The following ZC3H12B variants were observed in gnomAD, a reference collection of about 807,000 sequenced individuals.
ZC3H12B encodes the protein probable ribonuclease ZC3H12B.
In ZC3H12B, 7 loss-of-function variants were observed where a neutral mutation model predicts 43.9. The observed-to-expected ratio is 0.16, with a 90% CI of 0.09 to 0.30. ZC3H12B has a LOEUF of 0.30. ZC3H12B is among the 10% of genes least tolerant of loss of function. The pLI, the probability that ZC3H12B is intolerant of heterozygous loss-of-function variation, is 1.00. For missense variants in ZC3H12B, 475 were observed against 670.2 expected (o/e 0.71, Z 3.22); for synonymous variants, 222 against 241.7 (o/e 0.92, Z 0.76).
At chrX:65,190,536 A>G in the ZC3H12B span, among the ~76,000 whole-genome samples, 1 of 106,598 alleles carries the variant, frequency 9.4e-6, no homozygotes, top group Non-Finnish European at 1.9e-5. Flanking sequence ...TTGGATTCCT[A>G]GGTATTTTAT....
At chrX:65,108,412 AT>A in the ZC3H12B span, among the ~76,000 whole-genome samples, 1 of 110,120 alleles carries the variant, frequency 9.1e-6, no homozygotes, top group Admixed American at 9.8e-5. Context: ...ATTTAATTTA[AT>A]TTTTTTTAAC....
the ZC3H12B span, among the ~76,000 whole-genome samples, chrX:65,211,306 T>C: frequency 9.2e-6 from 1 of 108,950 alleles, no homozygotes. Context: ...TTTATTCTTG[T>C]AACCAAAAAC....
the ZC3H12B span, among the ~76,000 whole-genome samples, chrX:65,191,898 G>T: frequency 9.7e-6 from 1 of 102,800 alleles, no homozygotes; most frequent in Non-Finnish European, 2.0e-5. Flanking sequence ...ATGTTAGGGT[G>T]TCAATTTTGG....
chrX:65,168,815 A>G, the ZC3H12B span, among the ~76,000 whole-genome samples: 1 of 111,101 alleles, frequency 9.0e-6, no homozygotes, highest in Admixed American at 9.6e-5. Context: ...TAGATTTTCT[A>G]GTTTGTTTTG....
At chrX:65,076,351 C>G in the ZC3H12B span, among the ~76,000 whole-genome samples, 1 of 110,611 alleles carries the variant, frequency 9.0e-6, no homozygotes, top group African/African-American at 3.3e-5. Flanking sequence ...GTTGCCCAGG[C>G]TAGTCTCAAA....
At chrX:65,218,391 T>C in the ZC3H12B span, among the ~76,000 whole-genome samples, 131 of 112,270 alleles carry the variant, frequency 1.2e-3, 1 homozygote, top group African/African-American at 4.0e-3. Flanking sequence ...GCTTGCTTTC[T>C]CAGCTAGGAG....
At chrX:65,440,738 G>A (rs1278999725) in intron 3 of ZC3H12B, among the ~76,000 whole-genome samples, 1 of 112,409 alleles carries the variant, frequency 8.9e-6, no homozygotes, top group East Asian at 2.8e-4. Context: ...CCCATAGGAT[G>A]TGTAACTGAA....
At chrX:65,291,390 C>A in the ZC3H12B span, among the ~76,000 whole-genome samples, 1 of 112,014 alleles carries the variant, frequency 8.9e-6, no homozygotes, top group Non-Finnish European at 1.9e-5. Flanking sequence ...GATGTGGAAA[C>A]TTTTAAATGT....
At chrX:65,403,393 TA>T (rs1255721371) in intron 3 of ZC3H12B, among the ~76,000 whole-genome samples, 6 of 111,366 alleles carry the variant, frequency 5.4e-5, no homozygotes, top group East Asian at 2.8e-4. Flanking sequence ...GAGGAAGAGA[TA>T]GGGGTACAAA....
chrX:65,359,076 A>G, the ZC3H12B span, among the ~76,000 whole-genome samples: 1 of 111,513 alleles, frequency 9.0e-6, no homozygotes, highest in African/African-American at 3.3e-5. Context: ...GGAACAACCA[A>G]GTCCATATAA....
At chrX:65,299,968 G>A in the ZC3H12B span, among the ~76,000 whole-genome samples, 1 of 112,340 alleles carries the variant, frequency 8.9e-6, no homozygotes, top group Non-Finnish European at 1.9e-5. Context: ...GTGAAATATA[G>A]GAGTAGAGGG....
At chrX:65,118,460 G>A in the ZC3H12B span, among the ~76,000 whole-genome samples, 1 of 111,004 alleles carries the variant, frequency 9.0e-6, no homozygotes, top group Non-Finnish European at 1.9e-5. Flanking sequence ...AGGAGATTTT[G>A]GGCTGAGAAG....
the ZC3H12B span, among the ~76,000 whole-genome samples, chrX:65,181,007 A>G: frequency 2.5e-4 from 28 of 111,430 alleles, no homozygotes; most frequent in Admixed American, 5.8e-4. Context: ...AAACTATACT[A>G]CAAACCTACA....
chrX:65,465,767 G>T (rs1474412660), intron 3 of ZC3H12B, among the ~76,000 whole-genome samples: 6 of 109,657 alleles, frequency 5.5e-5, no homozygotes, highest in Non-Finnish European at 9.5e-5. Flanking sequence ...ATATTTTTGA[G>T]TTATTTTCAT....
chrX:65,441,467 C>A (rs1446240617), intron 3 of ZC3H12B, among the ~76,000 whole-genome samples: 1 of 111,801 alleles, frequency 8.9e-6, no homozygotes, highest in East Asian at 2.8e-4. Context: ...CAATAAGCTG[C>A]TTTGCCTTGT....
intron 3 of ZC3H12B, among the ~76,000 whole-genome samples, chrX:65,455,224 C>G (rs2067590214): frequency 9.0e-6 from 1 of 111,535 alleles, no homozygotes; most frequent in Non-Finnish European, 1.9e-5. Flanking sequence ...AGTTAAAAAC[C>G]TTGAAAAAAG....
At chrX:65,229,550 A>C in the ZC3H12B span, among the ~76,000 whole-genome samples, 2 of 111,458 alleles carry the variant, frequency 1.8e-5, no homozygotes, top group African/African-American at 6.5e-5. Context: ...CAATTAAACT[A>C]AAGAACTTCT....
At chrX:65,323,201 A>T in the ZC3H12B span, among the ~76,000 whole-genome samples, 2 of 112,055 alleles carry the variant, frequency 1.8e-5, no homozygotes, top group African/African-American at 6.5e-5. Context: ...AAGTGGTGAG[A>T]GTTGGCATCC....
the ZC3H12B span, among the ~76,000 whole-genome samples, chrX:65,190,602 C>G: frequency 9.4e-6 from 1 of 106,260 alleles, no homozygotes; most frequent in Non-Finnish European, 1.9e-5. Context: ...CTCTGTTTGT[C>G]TGTTGTTGGT....
Sources: allele counts gnomAD v4.1 joint callset (sites outside exome capture counted in the v4.1 genomes callset), GRCh38; gene constraint gnomAD v4.1.1; transcripts MANE v1.5; gene names NCBI Gene and HGNC (gene_info 2026-07-23, HGNC 2026-07-21).